ATF7IP: variants seen among roughly 807,000 people sequenced by gnomAD.
ATF7IP encodes activating transcription factor 7 interacting protein, also known as activating transcription factor 7-interacting protein 1.
ATF7IP carries 23 observed loss-of-function variants against 106.4 expected under a neutral mutation model. That is an observed-to-expected ratio of 0.22 (90% CI 0.16 to 0.31). The LOEUF is 0.31. Among genes scored for constraint, ATF7IP ranks in the 10% least tolerant of loss-of-function variants. The pLI is 1.00. For missense variants in ATF7IP, 1,334 were observed against 1,524.3 expected (o/e 0.88, Z 2.08); for synonymous variants, 542 against 539.0 (o/e 1.01, Z -0.08).
chr12:14,370,344 A>T (rs923372795), intron 1 of ATF7IP, among the ~76,000 whole-genome samples: 4 of 152,174 alleles, frequency 2.6e-5, no homozygotes, highest in Non-Finnish European at 5.9e-5. Context: ...TCTGGGCCTT[A>T]TTCTTAGAGC....
chr12:14,424,429 G>A lies in ATF7IP; in HGVS notation c.514G>A (p.Gly172Ser). ...GCCCTCCTCTAGTGATGCTGCCTCT[G>A]GTGATGCAACCTCTGGTGATGCCCC... is the stretch of plus-strand genomic sequence containing the variant. ...SEPSSSDAAS[G>S]DATSGDAPSG... Residue 172 changes from glycine to serine, a missense_variant, in exon 2 of 15, where the codon GGT becomes AGT. Gly to Ser is a moderately conservative substitution (Grantham distance 56, BLOSUM62 0). Around this residue, in one of 10 missense-constraint regions of ATF7IP, gnomAD observed 438 missense variants for 405.3 expected, o/e 1.08. Transcript: ENST00000261168. The A allele has an allele frequency of 6.2e-7, 1 of 1,613,670 alleles. No homozygotes were observed. Among genetic ancestry groups the A allele is most frequent in the Non-Finnish European group, 8.5e-7 (1 of 1,179,822 alleles).
intron 1 of ATF7IP, chr12:14,385,012 C>G (rs983053935): frequency 1.6e-5 from 3 of 181,992 alleles, no homozygotes; most frequent in African/African-American, 7.1e-5. Flanking sequence ...TAATATGTGG[C>G]ATGGATTTCA....
chr12:14,370,676 T>C (rs1032455793), intron 1 of ATF7IP, among the ~76,000 whole-genome samples: 1 of 152,102 alleles, frequency 6.6e-6, no homozygotes, highest in Non-Finnish European at 1.5e-5. Flanking sequence ...TGGGAGAATT[T>C]GTGGTATCTG....
chr12:14,450,277 A>G (rs1197137609), intron 6 of ATF7IP, among the ~76,000 whole-genome samples: 1 of 152,180 alleles, frequency 6.6e-6, no homozygotes, highest in Non-Finnish European at 1.5e-5. Flanking sequence ...GTTTTTCACC[A>G]TTGAGTATGA....
At chr12:14,445,433 G>A (rs913214145) in intron 5 of ATF7IP, among the ~76,000 whole-genome samples, 6 of 149,030 alleles carry the variant, frequency 4.0e-5, no homozygotes, top group Non-Finnish European at 4.5e-5. Flanking sequence ...TCACCCATCC[G>A]CCCACCTTGG....
At chr12:14,487,497 G>A (rs1320743398) in intron 13 of ATF7IP, among the ~76,000 whole-genome samples, 1 of 152,172 alleles carries the variant, frequency 6.6e-6, no homozygotes, top group African/African-American at 2.4e-5. Context: ...CATATCACAG[G>A]CTTTATTTCC....
chr12:14,492,320 C>G (rs1419074888), intron 13 of ATF7IP, among the ~76,000 whole-genome samples: 1 of 152,176 alleles, frequency 6.6e-6, no homozygotes, highest in African/African-American at 2.4e-5. Flanking sequence ...CCAGTAGTCC[C>G]TGAAATGTCT....
intron 2 of ATF7IP, among the ~76,000 whole-genome samples, chr12:14,429,142 AT>A (rs745548847): frequency 3.1e-4 from 47 of 152,052 alleles, no homozygotes; most frequent in Non-Finnish European, 6.6e-4. Context: ...CTTCCACTTA[AT>A]TGGATTTTGA....
At chr12:14,486,344 G>C (rs1334268588) in intron 13 of ATF7IP, among the ~76,000 whole-genome samples, 1 of 152,098 alleles carries the variant, frequency 6.6e-6, no homozygotes, top group African/African-American at 2.4e-5. Flanking sequence ...CCTTTCCCCA[G>C]TGCACAGTTA....
intron 9 of ATF7IP, among the ~76,000 whole-genome samples, 178 bp downstream of exon 9, chr12:14,461,311 C>T (rs1943630994): frequency 6.6e-6 from 1 of 151,792 alleles, no homozygotes; most frequent in Non-Finnish European, 1.5e-5. Context: ...TAAAATGGGG[C>T]TTGAGAGGGG....
chr12:14,424,866 T>G lies in ATF7IP; in HGVS notation c.951T>G (p.Leu317=). 1.9e-6 allele frequency: 3 copies of G among 1,609,832 alleles called. No individual in the cohort carries two copies. The highest frequency in any genetic ancestry group is 2.5e-6 in the Non-Finnish European group (3 of 1,179,062). ...EPSSNKDDDF[L]EKNGADEKLE... ...GTAGCAATAAAGATGATGATTTTCTTGAAAAAAATGGAGCTGATGAAAAAT... is the reference window on the plus strand; with the variant it reads ...GTAGCAATAAAGATGATGATTTTCTGGAAAAAAATGGAGCTGATGAAAAAT... Residue 317 remains leucine (L), a synonymous_variant, in exon 2 of 15, where the codon CTT becomes CTG. Transcript: ENST00000261168.
At chr12:14,428,482 C>T (rs995190000) in intron 2 of ATF7IP, among the ~76,000 whole-genome samples, 2 of 152,104 alleles carry the variant, frequency 1.3e-5, no homozygotes, top group African/African-American at 4.8e-5. Context: ...TTAATTGGTT[C>T]TTAAACTGTA....
intron 8 of ATF7IP, among the ~76,000 whole-genome samples, chr12:14,459,007 A>G (rs1011759187): frequency 1.3e-5 from 2 of 152,174 alleles, no homozygotes; most frequent in Admixed American, 6.6e-5. Flanking sequence ...TCAGAGAAGT[A>G]TTTTAAGGAT....
intron 1 of ATF7IP, among the ~76,000 whole-genome samples, chr12:14,391,679 C>G (rs1939561569): frequency 1.3e-5 from 2 of 152,064 alleles, no homozygotes; most frequent in South Asian, 4.1e-4. Flanking sequence ...AGTACAGTAC[C>G]TATTTATGAT....
chr12:14,456,779 C>T, intron 7 of ATF7IP, 145 bp downstream of exon 7: 2 of 611,920 alleles, frequency 3.3e-6, no homozygotes, highest in East Asian at 2.9e-5. Flanking sequence ...TCTTTTTCTG[C>T]TTCATTATAT....
At chr12:14,455,671 GCCT>G (rs1565527062) in intron 6 of ATF7IP, among the ~76,000 whole-genome samples, 1 of 152,098 alleles carries the variant, frequency 6.6e-6, no homozygotes, top group Non-Finnish European at 1.5e-5. Flanking sequence ...TGCAACCTCT[GCCT>G]CCTCGGCTCA....
At chr12:14,496,366 G>A (rs1435783896) in intron 14 of ATF7IP, 23 bp downstream of exon 14, 2 of 1,527,798 alleles carry the variant, frequency 1.3e-6, no homozygotes, top group Non-Finnish European at 1.8e-6. Flanking sequence ...GCTTGGTTTT[G>A]CAAAATTCTC....
chr12:14,473,288 C>CTGTATGTGTGTG (rs796814505), intron 10 of ATF7IP, among the ~76,000 whole-genome samples: 3,835 of 140,346 alleles, frequency 0.027, 119 homozygotes, highest in East Asian at 0.063. Flanking sequence ...CTCTCTCTCT[C>CTGTATGTGTGTG]TCTGTGTGTG....
chr12:14,448,317 T>C (rs1461290394), intron 6 of ATF7IP, among the ~76,000 whole-genome samples: 1 of 152,188 alleles, frequency 6.6e-6, no homozygotes, highest in African/African-American at 2.4e-5. Context: ...GTGAAGAAAT[T>C]GACAATTTTG....
Sources: allele counts gnomAD v4.1 joint callset (sites outside exome capture counted in the v4.1 genomes callset), GRCh38; gene constraint gnomAD v4.1.1; regional missense constraint gnomAD v4.1.1; transcripts MANE v1.5; gene names NCBI Gene and HGNC (gene_info 2026-07-23, HGNC 2026-07-21).